The following INSC variants were observed in gnomAD, a reference collection of about 807,000 sequenced individuals.
INSC encodes the protein INSC spindle orientation adaptor protein.
A neutral mutation model predicts 58.6 loss-of-function variants in INSC; 67 were observed. That is an observed-to-expected ratio of 1.14 (90% confidence interval 0.94 to 1.40). The LOEUF (loss-of-function observed/expected upper bound fraction) is 1.40. Ranked by LOEUF, INSC falls within the 40% of genes most tolerant of loss-of-function variation. The probability of loss-of-function intolerance (pLI) is 0.00; values close to 1 mark genes in which losing one functional copy is unlikely to be tolerated. For synonymous variants in INSC, 262 were observed against 276.1 expected (o/e 0.95, Z 0.51); for missense variants, 714 against 692.0 (o/e 1.03, Z -0.36).
chr11:15,112,336 T>G, upstream of INSC: 1 of 675,340 alleles, frequency 1.5e-6, no homozygotes, highest in East Asian at 2.8e-5. Flanking sequence ...AGTACTGAAC[T>G]GCCTTGGACA....
intron 1 of INSC, among the ~76,000 whole-genome samples, chr11:15,134,827 CTTTATTTA>C (rs112337509): frequency 1.2e-3 from 186 of 150,912 alleles, no homozygotes; most frequent in African/African-American, 3.2e-3. Flanking sequence ...CATCTTCCTC[CTTTATTTA>C]TTTATTTATT....
In INSC at chr11:15,220,778, G is replaced by A. The variant is rs534257353; in HGVS notation, c.820-699G>A. Among the ~76,000 whole-genome samples, 8 of 152,276 alleles carry A rather than the reference G, an allele frequency of 5.3e-5. No individual in the cohort carries two copies. In the South Asian group the frequency reaches 6.2e-4, roughly 12 times the overall value. ...GTTATGCCAAGAGCAGATCTGACCC[G>A]GGCAGAGCTTGGAAACATGTTCTTA... is the stretch of plus-strand genomic sequence containing the variant. On this transcript the variant is annotated intron_variant, in intron 7 of 12. Coordinates refer to ENST00000379556, the MANE Select transcript of INSC (RefSeq NM_001042536.3).
At chr11:15,187,410 T>A (rs751823021) in intron 5 of INSC, among the ~76,000 whole-genome samples, 3 of 152,222 alleles carry the variant, frequency 2.0e-5, no homozygotes, top group Non-Finnish European at 2.9e-5. Flanking sequence ...CTGCATTTTA[T>A]GTAACCCCTT....
intron 2 of INSC, among the ~76,000 whole-genome samples, chr11:15,155,056 G>A (rs1848768766): frequency 6.6e-6 from 1 of 152,164 alleles, no homozygotes; most frequent in Non-Finnish European, 1.5e-5. Context: ...GGGTTGTGGG[G>A]TGGCCTAGGG....
At chr11:15,252,201 T>A (rs1481697179), downstream of INSC, among the ~76,000 whole-genome samples, 2 of 152,094 alleles carry the variant, frequency 1.3e-5, no homozygotes, top group Admixed American at 6.6e-5. Context: ...AGGCAGTCGA[T>A]TAGTTGTTGT....
downstream of INSC, among the ~76,000 whole-genome samples, chr11:15,248,753 T>G (rs924871312): frequency 6.6e-6 from 1 of 152,206 alleles, no homozygotes; most frequent in African/African-American, 2.4e-5. Context: ...GCAACCTTTA[T>G]TATGAAGGTG....
rs149519676 is a variant in INSC at position 15,117,771 on chromosome 11, A to G, written c.-46+2768A>G. 1.2e-4 allele frequency among the ~76,000 whole-genome samples: 18 copies of G among 152,286 alleles called. No homozygotes were observed. In the East Asian group the frequency reaches 3.5e-3, roughly 29 times the overall value. ...ATATGTCATCTGGTTTTCAACTCAT[A>G]TGTCTCAATTTGGCTTCTGTACCTT... On this transcript the variant is annotated intron_variant, in intron 1 of 12. Transcript: ENST00000379556.
At chr11:15,239,775 ATGGT>A (rs1346527962) in intron 11 of INSC, among the ~76,000 whole-genome samples, 1 of 152,224 alleles carries the variant, frequency 6.6e-6, no homozygotes, top group Non-Finnish European at 1.5e-5. Context: ...GAGTCAAAGA[ATGGT>A]TTAACAAGGG....
chr11:15,175,567 C>G (rs375380799), intron 2 of INSC, among the ~76,000 whole-genome samples, 174 bp from the exon 3 acceptor site: 191 of 152,290 alleles, frequency 1.3e-3, no homozygotes, highest in African/African-American at 4.5e-3. Context: ...CTTCAGACTT[C>G]TTATCCATAA....
At chr11:15,166,200 G>C (rs1042777789) in intron 2 of INSC, among the ~76,000 whole-genome samples, 1 of 152,168 alleles carries the variant, frequency 6.6e-6, no homozygotes, top group Non-Finnish European at 1.5e-5. Flanking sequence ...TCAAGGGCTT[G>C]AGAATATATA....
intron 2 of INSC, among the ~76,000 whole-genome samples, chr11:15,171,819 T>C (rs1483333688): frequency 6.6e-6 from 1 of 152,244 alleles, no homozygotes; most frequent in Non-Finnish European, 1.5e-5. Flanking sequence ...ATTGTTAACA[T>C]GTCCCATGTA....
Position 15,117,434 on chromosome 11 carries a change from C to G in INSC, c.-46+2431C>G, listed in dbSNP as rs374949097. On this transcript the variant is annotated intron_variant, in intron 1 of 12. Transcript: ENST00000379556. ...TGGTTAAAAAAGGGCAGGCTATGGT[C>G]AGTCCAGCAGAATAAAGGTGGCAGG... 5.3e-5 allele frequency among the ~76,000 whole-genome samples: 8 copies of G among 152,284 alleles called. No individual in the cohort carries two copies. In the East Asian group the frequency reaches 1.5e-3, roughly 29 times the overall value.
chr11:15,206,551 G>A (rs1850806006), intron 7 of INSC, among the ~76,000 whole-genome samples: 1 of 152,194 alleles, frequency 6.6e-6, no homozygotes, highest in Admixed American at 6.5e-5. Context: ...CAAGGAGGGA[G>A]TAAGGGCCCC....
chr11:15,199,969 C>A (rs926828274), intron 6 of INSC, among the ~76,000 whole-genome samples: 3 of 152,196 alleles, frequency 2.0e-5, no homozygotes, highest in East Asian at 3.9e-4. Context: ...TTGGCTCCAG[C>A]GATTATTATG....
At chr11:15,229,770 T>C (rs1488830391) in intron 9 of INSC, among the ~76,000 whole-genome samples, 1 of 150,624 alleles carries the variant, frequency 6.6e-6, no homozygotes, top group Non-Finnish European at 1.5e-5. Context: ...TATTGGTCTA[T>C]TCTCACATTG....
intron 10 of INSC, among the ~76,000 whole-genome samples, chr11:15,238,567 A>C (rs1482645506): frequency 1.3e-5 from 2 of 152,202 alleles, no homozygotes; most frequent in Non-Finnish European, 2.9e-5. Flanking sequence ...TGGGCTTCAA[A>C]ATGGAATTGT....
chr11:15,144,571 C>T (rs1469579673), intron 1 of INSC, among the ~76,000 whole-genome samples: 1 of 152,224 alleles, frequency 6.6e-6, no homozygotes, highest in Non-Finnish European at 1.5e-5. Context: ...TGACTACTTT[C>T]CACAATACTT....
chr11:15,234,901 A>G (rs773124719), intron 9 of INSC, among the ~76,000 whole-genome samples: 2 of 152,058 alleles, frequency 1.3e-5, no homozygotes, highest in Non-Finnish European at 2.9e-5. Context: ...GTACCAGGGG[A>G]GGCTGGTTAC....
intron 1 of INSC, among the ~76,000 whole-genome samples, chr11:15,144,898 C>G (rs1848455770): frequency 6.6e-6 from 1 of 152,178 alleles, no homozygotes; most frequent in African/African-American, 2.4e-5. Context: ...CTTAAGACTT[C>G]AAGTCTTTCT....
Sources: gnomAD v4.1 joint callset for allele counts (sites outside exome capture counted in the v4.1 genomes callset) on GRCh38, gnomAD v4.1.1 for gene constraint, MANE v1.5 for transcripts, NCBI Gene and HGNC (gene_info 2026-07-23, HGNC 2026-07-21) for gene names.